CFAP47: variants seen among roughly 807,000 people sequenced by gnomAD.
CFAP47 encodes the protein cilia and flagella associated protein 47.
In CFAP47, 29 loss-of-function variants were observed where a neutral mutation model predicts 148.1. The observed-to-expected ratio is 0.20, with a 90% CI of 0.15 to 0.27. CFAP47 has a LOEUF of 0.27. Ranked by LOEUF, CFAP47 falls within the 10% of genes least tolerant of loss-of-function variation. The probability of loss-of-function intolerance (pLI) is 1.00; values close to 1 mark genes in which losing one functional copy is unlikely to be tolerated. For synonymous variants in CFAP47, 664 were observed against 577.3 expected (o/e 1.15, Z -2.15); for missense variants, 1,872 against 1,697.5 (o/e 1.10, Z -1.81).
chrX:36,371,643 T>TATGTGTATATATGTGTGCATATACACAC (rs1941940941), intron 62 of CFAP47, among the ~76,000 whole-genome samples: 1 of 79,860 alleles, frequency 1.3e-5, no homozygotes, highest in Non-Finnish European at 2.3e-5. Flanking sequence ...TATACACACA[T>TATGTGTATATATGTGTGCATATACACAC]ATGTGTATAT....
At chrX:35,948,256 G>A (rs1041665593) in intron 3 of CFAP47, 58 bp from the exon 4 acceptor site, 1 of 1,051,536 alleles carries the variant, frequency 9.5e-7, no homozygotes, top group African/African-American at 1.8e-5. Context: ...CCTACTGAGA[G>A]TGTACATGCA....
intron 2 of CFAP47, 28 bp downstream of exon 2, chrX:35,926,196 C>T (rs1935738544): frequency 9.2e-7 from 1 of 1,092,025 alleles, no homozygotes; most frequent in African/African-American, 1.8e-5. Context: ...TTCATGCTGA[C>T]ATTTTGAATA....
In CFAP47 at chrX:35,978,429, C is replaced by G. The variant is rs1193915663; in HGVS notation, c.2713+2516C>G. Among the ~76,000 whole-genome samples the G allele has an allele frequency of 2.7e-5, 3 of 111,668 alleles. No individual in the cohort carries two copies. In the East Asian group the frequency reaches 8.4e-4, roughly 31 times the overall value. On this transcript the variant is annotated intron_variant, in intron 15 of 63. Coordinates refer to ENST00000378653, the MANE Select transcript of CFAP47 (RefSeq NM_001304548.2). The stretch of plus-strand genomic sequence containing the variant: ...TATGCTTCTTGTGGTCTTTAGAACT[C>G]TTATTTTTACAGGAGAGGTTTTTAC...
intron 48 of CFAP47, among the ~76,000 whole-genome samples, chrX:36,240,307 G>A (rs1199501645): frequency 2.7e-5 from 3 of 111,847 alleles, no homozygotes; most frequent in South Asian, 3.7e-4. Context: ...GGACCTACAC[G>A]TTGAATTACT....
intron 58 of CFAP47, 21 bp downstream of exon 58, chrX:36,348,309 T>C (rs1280058646): frequency 5.5e-6 from 5 of 905,039 alleles, no homozygotes; most frequent in Non-Finnish European, 7.1e-6. Context: ...AATAAAGACA[T>C]TGAAGGAAAA....
chrX:36,335,024 T>A (rs926403843), intron 57 of CFAP47, among the ~76,000 whole-genome samples: 3 of 111,260 alleles, frequency 2.7e-5, no homozygotes, highest in African/African-American at 9.8e-5. Context: ...TCTCAAGTTT[T>A]TAATTTTTTT....
At chrX:36,376,517 G>C (rs1942024645) in intron 62 of CFAP47, among the ~76,000 whole-genome samples, 1 of 111,950 alleles carries the variant, frequency 8.9e-6, no homozygotes, top group African/African-American at 3.3e-5. Context: ...CTACAGAGAA[G>C]CCAGAAGCTG....
At chrX:36,280,669 T>C (rs1941069337) in intron 50 of CFAP47, 39 bp downstream of exon 50, 2 of 437,036 alleles carry the variant, frequency 4.6e-6, no homozygotes, top group Non-Finnish European at 4.1e-6. Context: ...TTAGTTTGCA[T>C]AAATCCAAAT....
chrX:35,924,182 T>C (rs1162187851), intron 1 of CFAP47, among the ~76,000 whole-genome samples: 1 of 104,869 alleles, frequency 9.5e-6, no homozygotes, highest in Admixed American at 1.0e-4. Flanking sequence ...CATGTATGCG[T>C]ACATGTATGT....
chrX:35,949,638 G>T (rs1174478854), intron 4 of CFAP47, among the ~76,000 whole-genome samples: 2 of 111,746 alleles, frequency 1.8e-5, no homozygotes, highest in African/African-American at 6.5e-5. Flanking sequence ...GGAGCTGGCT[G>T]CAGCTTATTA....
intron 33 of CFAP47, among the ~76,000 whole-genome samples, chrX:36,114,902 G>T (rs1752201389): frequency 8.9e-6 from 1 of 112,186 alleles, no homozygotes; most frequent in South Asian, 3.7e-4. Flanking sequence ...TGGGTGCTGG[G>T]ATTCCTGCCT....
intron 21 of CFAP47, among the ~76,000 whole-genome samples, chrX:36,004,642 A>G (rs960000371): frequency 1.8e-5 from 2 of 109,463 alleles, no homozygotes; most frequent in African/African-American, 6.7e-5. Context: ...TTTTAAGTGA[A>G]TGCAACTAGA....
At chrX:35,995,626 C>T (rs1936837920) in intron 18 of CFAP47, among the ~76,000 whole-genome samples, 1 of 111,021 alleles carries the variant, frequency 9.0e-6, no homozygotes, top group Admixed American at 9.6e-5. Flanking sequence ...GTGAGTAACA[C>T]CCTATTAGAG....
At chrX:36,376,872 G>A (rs1197490994) in intron 62 of CFAP47, among the ~76,000 whole-genome samples, 1 of 106,078 alleles carries the variant, frequency 9.4e-6, no homozygotes, top group Non-Finnish European at 1.9e-5. Context: ...AGAACATGCG[G>A]TGTCTGGTTT....
chrX:36,284,949 C>T (rs141664032), intron 50 of CFAP47, among the ~76,000 whole-genome samples: 7 of 111,159 alleles, frequency 6.3e-5, no homozygotes, highest in African/African-American at 1.3e-4. Context: ...ATTTGACAGA[C>T]GTAAAAAACC....
rs782049323 is a variant in CFAP47 at position 36,371,829 on chromosome X, CAT to C, written c.9185+4703_9185+4704del. On this transcript the variant is annotated intron_variant, in intron 62 of 63. Transcript: ENST00000378653. Reference sequence around the variant, plus strand: ...ATGTATATATGTGTGCATATACACACATGTGTGTATATGTGTGTATATATGTG... The same window carrying C: ...ATGTATATATGTGTGCATATACACACGTGTGTATATGTGTGTATATATGTG... Among the ~76,000 whole-genome samples, 23 of 62,489 alleles carry C rather than the reference CAT, an allele frequency of 3.7e-4. 2 individuals carry two copies. Among genetic ancestry groups the C allele is most frequent in the East Asian group, 1.9e-3 (3 of 1,556 alleles). 54.3% of individuals were successfully genotyped at this position (62,489 alleles called of 115,157 possible).
At position 36,096,548 on chromosome X, in the gene CFAP47, A is replaced by G. The variant is rs73470963; in HGVS notation, c.4917-2245A>G. On this transcript the variant is annotated intron_variant, in intron 30 of 63. Transcript: ENST00000378653. ...CAGTGTTTAGTGCAAATATATTTAC[A>G]ATTGTTATATCCTCTTGCTTAATTG... Among the ~76,000 whole-genome samples the G allele has an allele frequency of 9.7e-3, 1,082 of 111,349 alleles. 8 individuals carry two copies. Among genetic ancestry groups the G allele is most frequent in the African/African-American group, 0.033 (1,021 of 30,785 alleles).
chrX:35,961,512 C>T (rs1393706321), intron 8 of CFAP47, among the ~76,000 whole-genome samples: 1 of 110,922 alleles, frequency 9.0e-6, no homozygotes, highest in Non-Finnish European at 1.9e-5. Flanking sequence ...TGGGGCTATT[C>T]ATATTATTCA....
At chrX:36,352,926 A>G (rs781928157) in intron 59 of CFAP47, among the ~76,000 whole-genome samples, 1 of 110,066 alleles carries the variant, frequency 9.1e-6, no homozygotes, top group Non-Finnish European at 1.9e-5. Flanking sequence ...TTTTACTTTT[A>G]TGTGTTTAAA....
Sources: allele counts gnomAD v4.1 joint callset (sites outside exome capture counted in the v4.1 genomes callset), GRCh38; gene constraint gnomAD v4.1.1; transcripts MANE v1.5; gene names NCBI Gene and HGNC (gene_info 2026-07-23, HGNC 2026-07-21).